Variants in ATXN2 observed in about 807,000 individuals in gnomAD.
The protein encoded by ATXN2 is ataxin 2.
A neutral mutation model predicts 138.6 loss-of-function variants in ATXN2; 37 were observed. The ratio of observed to expected loss-of-function variants is 0.27; its 90% CI spans 0.21 to 0.35. The LOEUF is 0.35. Ranked by LOEUF, ATXN2 falls within the 10% of genes least tolerant of loss-of-function variation. ATXN2 has a pLI of 1.00. For synonymous variants in ATXN2, 549 were observed against 543.7 expected (o/e 1.01, Z -0.13); for missense variants, 1,216 against 1,480.3 (o/e 0.82, Z 2.93).
At chr12:111,477,107 C>T (rs952674129) in intron 18 of ATXN2, among the ~76,000 whole-genome samples, 1 of 150,142 alleles carries the variant, frequency 6.7e-6, no homozygotes, top group Non-Finnish European at 1.5e-5. Context: ...CTTTGGGAGG[C>T]TGAGATGAGC....
chr12:111,508,030 C>T (rs55913981), intron 14 of ATXN2, among the ~76,000 whole-genome samples: 35 of 152,242 alleles, frequency 2.3e-4, no homozygotes, highest in Non-Finnish European at 4.1e-4. Context: ...TGCGGAAGGC[C>T]GCAGGGTCCT....
Position 111,516,967 on chromosome 12 carries a change from T to C in ATXN2, c.1166-604A>G, listed in dbSNP as rs1477278347. On this transcript the variant is annotated intron_variant, in intron 9 of 24. Coordinates refer to ENST00000673436, the MANE Select transcript of ATXN2 (RefSeq NM_001372574.1). The surrounding 1 kb of genome is among the most constrained non-coding windows in gnomAD (Gnocchi z 5.0). ...TTCTAGAGTTTGTGACTCCTGTGAG[T>C]ATCAAATGATAATATTCATTGCTAT... Among the ~76,000 whole-genome samples the C allele has an allele frequency of 1.3e-5, 2 of 152,104 alleles. No individual in the cohort carries two copies. The highest frequency in any genetic ancestry group is 2.1e-4 in the South Asian group (1 of 4,828).
Position 111,599,292 on chromosome 12 carries a change from C to T in ATXN2, c.-258G>A. 1 of 967,176 alleles carries T rather than the reference C, an allele frequency of 1.0e-6. No homozygotes were observed. Among genetic ancestry groups the T allele is most frequent in the African/African-American group, 2.0e-5 (1 of 49,046 alleles). 59.9% of individuals were successfully genotyped at this position (967,176 alleles called of 1,614,324 possible). Reference sequence around the variant, plus strand: ...CCGTTGCCGTTGCTACCAAAACAGTCTGAGGCGGAGGGAGGCGAGCTCTGC... The same window carrying T: ...CCGTTGCCGTTGCTACCAAAACAGTTTGAGGCGGAGGGAGGCGAGCTCTGC... On this transcript the variant is annotated 5_prime_UTR_variant, in exon 1 of 25. Transcript: ENST00000673436.
rs539269167 is a variant in ATXN2 at position 111,460,930 on chromosome 12, T to G, written c.2897-3571A>C. ...AATACCCAAGCTGAGTGAATGTACA[T>G]AGGCTTTGTTTAAAAAAACAAAAAC... On this transcript the variant is annotated intron_variant, in intron 21 of 24. Coordinates refer to ENST00000673436, the MANE Select transcript of ATXN2 (RefSeq NM_001372574.1). Among the ~76,000 whole-genome samples, 13 of 152,290 alleles carry G rather than the reference T, an allele frequency of 8.5e-5. No homozygotes were observed. In the East Asian group the frequency reaches 2.5e-3, roughly 29 times the overall value.
intron 2 of ATXN2, among the ~76,000 whole-genome samples, chr12:111,555,651 C>A (rs1015982243): frequency 6.6e-6 from 1 of 152,072 alleles, no homozygotes; most frequent in African/African-American, 2.4e-5. Context: ...ATTACCCAGT[C>A]TTAGGTATAT....
chr12:111,464,120 C>T (rs1016491146), intron 21 of ATXN2, among the ~76,000 whole-genome samples: 1 of 152,030 alleles, frequency 6.6e-6, no homozygotes, highest in African/African-American at 2.4e-5. Context: ...TAGCCATGCA[C>T]AGGACTGAAA....
chr12:111,508,812 T>G (rs1364185046), intron 14 of ATXN2, among the ~76,000 whole-genome samples: 2 of 152,122 alleles, frequency 1.3e-5, no homozygotes, highest in Non-Finnish European at 2.9e-5. Context: ...TGTGCTAAAG[T>G]ATGAAATAAT....
chr12:111,474,595 G>C (rs920303649), intron 18 of ATXN2, among the ~76,000 whole-genome samples: 1 of 150,134 alleles, frequency 6.7e-6, no homozygotes, highest in African/African-American at 2.5e-5. Context: ...AACAAAGCCA[G>C]ACCCCATCTC....
rs536221493 is a variant in ATXN2 at position 111,587,415 on chromosome 12, T to A, written c.251+11369A>T. 2.0e-4 allele frequency among the ~76,000 whole-genome samples: 31 copies of A among 152,062 alleles called. No individual in the cohort carries two copies. In the South Asian group the frequency reaches 6.3e-3, roughly 31 times the overall value. On this transcript the variant is annotated intron_variant, in intron 1 of 24. Transcript: ENST00000673436. ...TGCCTCACACATGTAATTAAAGCAC[T>A]TTGGGAAAACTAGGTGGGTGGATCA...
chr12:111,470,117 C>T lies in ATXN2; in HGVS notation c.2833G>A (p.Ala945Thr). ...TQYGAHEQTH[A>T]MYACPKLPYN... ...ACAAAGTGCTTCCTACCATACATCG[C>T]ATGCGTCTGCTCATGAGCCCCGTAC... The change falls in exon 20 of 25, where the codon GCG (alanine) becomes ACG (threonine). Residue 945 changes from alanine (A) to threonine (T), a missense_variant. Transcript: ENST00000673436. 1 of 1,613,848 alleles carries T rather than the reference C, an allele frequency of 6.2e-7. No homozygotes were observed. The highest frequency in any genetic ancestry group is 8.5e-7 in the Non-Finnish European group (1 of 1,179,884).
intron 1 of ATXN2, among the ~76,000 whole-genome samples, chr12:111,596,374 C>CAT (rs1491500524): frequency 1.4e-4 from 1 of 7,080 alleles, no homozygotes; most frequent in Non-Finnish European, 3.2e-4. Context: ...AAAAACTATT[C>CAT]ACACACACAC....
intron 5 of ATXN2, among the ~76,000 whole-genome samples, chr12:111,545,473 A>G (rs575208824): frequency 6.3e-4 from 95 of 151,614 alleles, no homozygotes; most frequent in African/African-American, 2.1e-3. Context: ...GCAGGCACCT[A>G]TAGCCCCAGC....
At chr12:111,527,273 G>C (rs1880554147) in intron 5 of ATXN2, among the ~76,000 whole-genome samples, 1 of 152,160 alleles carries the variant, frequency 6.6e-6, no homozygotes, top group Non-Finnish European at 1.5e-5. Flanking sequence ...GCTCTGCTGA[G>C]GAATATAAGC....
intron 5 of ATXN2, among the ~76,000 whole-genome samples, chr12:111,546,948 T>C (rs968772015): frequency 1.3e-5 from 2 of 152,190 alleles, no homozygotes; most frequent in Non-Finnish European, 2.9e-5. Context: ...TCTCAGTAAA[T>C]CAAACTGGAA....
intron 15 of ATXN2, among the ~76,000 whole-genome samples, chr12:111,487,806 T>C (rs1877741486): frequency 6.6e-6 from 1 of 152,044 alleles, no homozygotes; most frequent in South Asian, 2.1e-4. Flanking sequence ...ATATTTTACA[T>C]GACATACCTG....
At chr12:111,497,860 C>CA (rs1878522357) in intron 14 of ATXN2, among the ~76,000 whole-genome samples, 2 of 151,506 alleles carry the variant, frequency 1.3e-5, no homozygotes, top group African/African-American at 2.4e-5. Flanking sequence ...ACTAAAAATA[C>CA]AAAAAATTAG....
Position 111,598,522 on chromosome 12 carries a change from C to T in ATXN2, c.251+262G>A. ...TCCCAACACGCGTGGGGAGGGGAGG[C>T]CGCCCGCTCCCTCCATCTTGACCGC... On this transcript the variant is annotated intron_variant, in intron 1 of 24. Transcript: ENST00000673436. The surrounding 1 kb of genome is among the most constrained non-coding windows in gnomAD (Gnocchi z 4.5). The T allele has an allele frequency of 2.0e-6, 2 of 985,194 alleles. No homozygotes were observed. Among genetic ancestry groups the T allele is most frequent in the Non-Finnish European group, 2.4e-6 (2 of 829,900 alleles). 61.0% of individuals were successfully genotyped at this position (985,194 alleles called of 1,614,324 possible).
chr12:111,455,617 T>C (rs776265600), intron 23 of ATXN2: 1 of 309,284 alleles, frequency 3.2e-6, no homozygotes, highest in African/African-American at 2.1e-5. Context: ...CAGGCCCCGG[T>C]AGTCACTTCG....
At chr12:111,581,017 A>C (rs1883968434) in intron 1 of ATXN2, among the ~76,000 whole-genome samples, 1 of 151,692 alleles carries the variant, frequency 6.6e-6, no homozygotes, top group Non-Finnish European at 1.5e-5. Context: ...AGGTGCCTGT[A>C]GTCCCAGCTA....
Sources: gnomAD v4.1 joint callset for allele counts (sites outside exome capture counted in the v4.1 genomes callset) on GRCh38, gnomAD v4.1.1 for gene constraint, Gnocchi (gnomAD v3.1) non-coding constraint, MANE v1.5 for transcripts, NCBI Gene and HGNC (gene_info 2026-07-23, HGNC 2026-07-21) for gene names.